The following TENM2 variants were observed in gnomAD, a reference collection of about 807,000 sequenced individuals.
TENM2 encodes teneurin-2.
Under a neutral mutation model 245.2 loss-of-function variants are expected in TENM2, and 52 were observed. The ratio of observed to expected loss-of-function variants is 0.21; its 90% CI spans 0.17 to 0.27. The LOEUF (loss-of-function observed/expected upper bound fraction) is 0.27, where lower values mean the gene tolerates loss of function less well. Ranked by LOEUF, TENM2 falls within the 10% of genes least tolerant of loss-of-function variation. The pLI is 1.00. For missense variants in TENM2, 3,046 were observed against 3,666.8 expected, an observed-to-expected ratio of 0.83 and a Z score of 4.37; for synonymous variants, 1,363 against 1,438.9, an observed-to-expected ratio of 0.95 and a Z score of 1.19.
chr5:168,192,316 G>A (rs1334198581), intron 14 of TENM2, among the ~76,000 whole-genome samples: 4 of 152,220 alleles, frequency 2.6e-5, no homozygotes, highest in African/African-American at 4.8e-5. Flanking sequence ...ATCTAATAGC[G>A]ACTGAAACAA....
At chr5:168,036,191 C>T (rs1486297483) in intron 5 of TENM2, among the ~76,000 whole-genome samples, 2 of 152,140 alleles carry the variant, frequency 1.3e-5, no homozygotes, top group Non-Finnish European at 2.9e-5. Flanking sequence ...CACATAATGA[C>T]CATGTCGAAT....
intron 2 of TENM2, among the ~76,000 whole-genome samples, chr5:167,747,506 A>G (rs1761672074): frequency 6.6e-6 from 1 of 152,180 alleles, no homozygotes; most frequent in Non-Finnish European, 1.5e-5. Flanking sequence ...ACTTTCTCAA[A>G]GATATGCCTC....
chr5:167,395,721 C>T (rs767215192), intron 2 of TENM2, among the ~76,000 whole-genome samples: 1 of 152,030 alleles, frequency 6.6e-6, no homozygotes, highest in African/African-American at 2.4e-5. Flanking sequence ...TTGAATGATG[C>T]CATTTTGTTT....
intron 2 of TENM2, among the ~76,000 whole-genome samples, chr5:167,438,690 T>C (rs4543291): frequency 0.96 from 145,534 of 152,268 alleles, 69,864 homozygotes; most frequent in East Asian, 1. Flanking sequence ...AGCCACCGCA[T>C]CTGGCCTGAA....
intron 6 of TENM2, among the ~76,000 whole-genome samples, chr5:168,056,148 C>T (rs1562103583): frequency 6.6e-6 from 1 of 152,212 alleles, no homozygotes; most frequent in Non-Finnish European, 1.5e-5. Context: ...GGCTTTGATG[C>T]TGTTCTTTTT....
chr5:167,014,578 T>C, the TENM2 span, among the ~76,000 whole-genome samples: 35 of 152,272 alleles, frequency 2.3e-4, no homozygotes, highest in Non-Finnish European at 4.4e-4. Context: ...AGGGGTCAAA[T>C]AGGCTTAACA....
intron 2 of TENM2, among the ~76,000 whole-genome samples, chr5:167,790,426 C>T (rs945615330): frequency 2.0e-5 from 3 of 152,180 alleles, no homozygotes; most frequent in Admixed American, 6.5e-5. Context: ...CTGCATGATT[C>T]CTACTTAGAA....
At chr5:168,140,660 C>T (rs1176099869) in intron 12 of TENM2, among the ~76,000 whole-genome samples, 1 of 152,214 alleles carries the variant, frequency 6.6e-6, no homozygotes, top group Non-Finnish European at 1.5e-5. Context: ...TGAAATGCTA[C>T]TTTTGCAAGT....
At chr5:167,196,448 A>G in the TENM2 span, among the ~76,000 whole-genome samples, 10 of 150,168 alleles carry the variant, frequency 6.7e-5, no homozygotes, top group Non-Finnish European at 1.3e-4. Flanking sequence ...GAAAATATAT[A>G]TGTGTGTATA....
chr5:167,547,857 A>G (rs1319137737), intron 2 of TENM2, among the ~76,000 whole-genome samples: 1 of 152,220 alleles, frequency 6.6e-6, no homozygotes, highest in African/African-American at 2.4e-5. Context: ...TTAAGGGACA[A>G]AGGGAAAGGT....
rs536286722 is a variant in TENM2 at position 167,958,627 on chromosome 5, T to C, written c.947+5805T>C. ...TGCTGTGGCTGGTACCAGTTTTTCC[T>C]TTCCATGTTTAGTGCCTCCTTCAGG... is the stretch of plus-strand genomic sequence containing the variant. On this transcript the variant is annotated intron_variant, in intron 4 of 28. Transcript: ENST00000518659. Among the ~76,000 whole-genome samples the C allele has an allele frequency of 8.7e-4, 133 of 152,346 alleles. 1 individual carries two copies. Among genetic ancestry groups the C allele is most frequent in the African/African-American group, 3.0e-3 (126 of 41,586 alleles).
At chr5:168,059,077 G>A (rs902395170) in intron 6 of TENM2, among the ~76,000 whole-genome samples, 26 of 152,176 alleles carry the variant, frequency 1.7e-4, no homozygotes, top group African/African-American at 6.3e-4. Flanking sequence ...ATGAGGAAGC[G>A]AGGATCTAAA....
chr5:167,920,954 A>G, intron 3 of TENM2, among the ~76,000 whole-genome samples: 1 of 152,186 alleles, frequency 6.6e-6, no homozygotes, highest in East Asian at 1.9e-4. Flanking sequence ...TCTCTCACCC[A>G]TGCTTATCTC....
chr5:167,783,272 T>C (rs142466175), intron 2 of TENM2, among the ~76,000 whole-genome samples: 38 of 150,614 alleles, frequency 2.5e-4, no homozygotes, highest in African/African-American at 7.8e-4. Context: ...TCAGCCCACC[T>C]AGCAAGTCCA....
intron 2 of TENM2, among the ~76,000 whole-genome samples, chr5:167,417,399 T>G (rs950914888): frequency 9.2e-5 from 14 of 152,178 alleles, no homozygotes; most frequent in Non-Finnish European, 1.9e-4. Context: ...AGAACCTATA[T>G]ATACTGAATT....
chr5:167,057,531 C>T, the TENM2 span, among the ~76,000 whole-genome samples: 1 of 152,120 alleles, frequency 6.6e-6, no homozygotes, highest in Non-Finnish European at 1.5e-5. Context: ...TGGACCTGGA[C>T]TGTGAACTTC....
the TENM2 span, among the ~76,000 whole-genome samples, chr5:167,183,409 C>G: frequency 6.6e-6 from 1 of 152,156 alleles, no homozygotes; most frequent in Non-Finnish European, 1.5e-5. Context: ...ATACCAGGAA[C>G]AAATAACATG....
chr5:168,030,536 A>G (rs775204078), intron 5 of TENM2, among the ~76,000 whole-genome samples: 1 of 152,098 alleles, frequency 6.6e-6, no homozygotes, highest in Non-Finnish European at 1.5e-5. Flanking sequence ...TCCATTTCTA[A>G]TAAGTTCTCA....
intron 4 of TENM2, among the ~76,000 whole-genome samples, chr5:167,970,945 G>A (rs891502625): frequency 1.3e-5 from 2 of 151,606 alleles, no homozygotes; most frequent in African/African-American, 2.4e-5. Context: ...GGTAGAAGGC[G>A]CATATTCAGT....
Sources: gnomAD v4.1 joint callset for allele counts (sites outside exome capture counted in the v4.1 genomes callset) on GRCh38, gnomAD v4.1.1 for gene constraint, MANE v1.5 for transcripts, NCBI Gene and HGNC (gene_info 2026-07-23, HGNC 2026-07-21) for gene names.